The following UMAD1 variants were observed in gnomAD, a reference collection of about 807,000 sequenced individuals.
UMAD1 encodes UBAP1-MVB12-associated (UMA)-domain containing protein 1.
UMAD1 carries 8 observed loss-of-function variants against 6.1 expected under a neutral mutation model. The observed-to-expected ratio is 1.30, with a 90% CI of 0.76 to 2.35. The LOEUF (loss-of-function observed/expected upper bound fraction) is 2.35. Among genes scored for constraint, UMAD1 ranks in the 30% most tolerant of loss-of-function variants. UMAD1 has a pLI of 0.00. For missense variants in UMAD1, 130 were observed against 78.4 expected, an observed-to-expected ratio of 1.66 and a Z score of -2.49; for synonymous variants, 56 against 31.4, an observed-to-expected ratio of 1.78 and a Z score of -2.61.
chr7:7,743,710 TTATACA>T (rs1038215382), intron 2 of UMAD1, among the ~76,000 whole-genome samples: 38 of 150,850 alleles, frequency 2.5e-4, no homozygotes, highest in Middle Eastern at 3.5e-3. Flanking sequence ...ATAATATATA[TTATACA>T]TATACATATA....
chr7:7,803,992 A>T (rs1007122860), intron 3 of UMAD1, among the ~76,000 whole-genome samples: 5 of 152,242 alleles, frequency 3.3e-5, no homozygotes, highest in Non-Finnish European at 7.3e-5. Flanking sequence ...TTAAGGAAAG[A>T]TGCTTTTAAG....
intron 1 of UMAD1, among the ~76,000 whole-genome samples, chr7:7,642,404 C>T (rs1046325433): frequency 2.6e-5 from 4 of 151,976 alleles, no homozygotes; most frequent in African/African-American, 4.8e-5. Flanking sequence ...TCCCTCCCTC[C>T]CCCGTCTCCC....
At chr7:7,828,522 G>A (rs1783392188) in intron 3 of UMAD1, among the ~76,000 whole-genome samples, 1 of 152,154 alleles carries the variant, frequency 6.6e-6, no homozygotes. Flanking sequence ...CCCTGGTCCC[G>A]AGCTTCTTGC....
chr7:7,841,809 C>G (rs1456520409), intron 3 of UMAD1, among the ~76,000 whole-genome samples: 2 of 152,132 alleles, frequency 1.3e-5, no homozygotes, highest in African/African-American at 4.8e-5. Context: ...TTATATCCAA[C>G]CAGATTTTAG....
chr7:7,854,551 G>A (rs1003841439), intron 3 of UMAD1, among the ~76,000 whole-genome samples: 6 of 151,846 alleles, frequency 4.0e-5, no homozygotes, highest in African/African-American at 7.3e-5. Context: ...TCACTATCAC[G>A]TTAACAACAT....
Position 7,658,982 on chromosome 7 carries a change from A to G in UMAD1, c.-63-14327A>G, listed in dbSNP as rs1785410373. On this transcript the variant is annotated intron_variant, in intron 1 of 3. Transcript: ENST00000682710. ...CTATTAATTACTGCCTCAATTTCAGAACTTGTTATTGGTCTATTCAGGGAT... is the reference window on the plus strand; with the variant it reads ...CTATTAATTACTGCCTCAATTTCAGGACTTGTTATTGGTCTATTCAGGGAT... Among the ~76,000 whole-genome samples, 4 of 151,988 alleles carry G rather than the reference A, an allele frequency of 2.6e-5. No homozygotes were observed. In the South Asian group the frequency reaches 6.2e-4, roughly 24 times the overall value.
intron 2 of UMAD1, among the ~76,000 whole-genome samples, chr7:7,787,560 A>T (rs1345036866): frequency 6.6e-6 from 1 of 152,228 alleles, no homozygotes; most frequent in African/African-American, 2.4e-5. Flanking sequence ...GCCAACTTTT[A>T]TATTTCATGT....
chr7:7,677,446 A>G (rs930648291), intron 2 of UMAD1, among the ~76,000 whole-genome samples: 5 of 151,752 alleles, frequency 3.3e-5, no homozygotes, highest in Non-Finnish European at 2.9e-5. Flanking sequence ...TCTATTCTCT[A>G]TCTCCATGAG....
intron 1 of UMAD1, among the ~76,000 whole-genome samples, chr7:7,659,125 G>C (rs902228954): frequency 6.6e-6 from 1 of 152,134 alleles, no homozygotes; most frequent in Non-Finnish European, 1.5e-5. Flanking sequence ...ATGGTAGTTT[G>C]TATTGCTGTG....
At chr7:7,648,517 T>G (rs1299620497) in intron 1 of UMAD1, among the ~76,000 whole-genome samples, 1 of 152,198 alleles carries the variant, frequency 6.6e-6, no homozygotes, top group Non-Finnish European at 1.5e-5. Flanking sequence ...GTCTATGTAG[T>G]GTTGCTATTA....
chr7:7,813,445 C>T (rs1038319375), intron 3 of UMAD1, among the ~76,000 whole-genome samples: 1 of 152,146 alleles, frequency 6.6e-6, no homozygotes, highest in African/African-American at 2.4e-5. Context: ...ACCTCATGAT[C>T]CGCCTGCCTT....
At chr7:7,798,750 A>G (rs1389384978) in intron 2 of UMAD1, among the ~76,000 whole-genome samples, 1 of 152,150 alleles carries the variant, frequency 6.6e-6, no homozygotes, top group Non-Finnish European at 1.5e-5. Context: ...AGAGATGTCA[A>G]GAGACTGGGT....
At chr7:7,749,649 A>G (rs1238206926) in intron 2 of UMAD1, among the ~76,000 whole-genome samples, 1 of 152,110 alleles carries the variant, frequency 6.6e-6, no homozygotes, top group Non-Finnish European at 1.5e-5. Context: ...CTTTACTCTC[A>G]TATTTTTCTA....
intron 2 of UMAD1, among the ~76,000 whole-genome samples, chr7:7,793,456 C>G (rs892060598): frequency 2.6e-5 from 4 of 152,066 alleles, no homozygotes; most frequent in African/African-American, 9.7e-5. Context: ...GCAAACACTC[C>G]CAGAGGGTAT....
rs139256845 is a variant in UMAD1 at position 7,674,335 on chromosome 7, A to G, written c.82+882A>G. Reference sequence around the variant, plus strand: ...GACTGGCATCTGCTAGCATCAGCCAATGCTCTGTAGGCTTTGAGAAATAAG... The same window carrying G: ...GACTGGCATCTGCTAGCATCAGCCAGTGCTCTGTAGGCTTTGAGAAATAAG... On this transcript the variant is annotated intron_variant, in intron 2 of 3. Transcript: ENST00000682710. 1.2e-4 allele frequency among the ~76,000 whole-genome samples: 19 copies of G among 152,334 alleles called. No homozygotes were observed. In the East Asian group the frequency reaches 3.7e-3, roughly 29 times the overall value.
rs1396639965 is a variant in UMAD1, at chr7:7,722,391, A to G, written c.82+48938A>G. ...TGCGAAGGACTCTACTTCTAATGGT[A>G]TAGAGAACACTGATAGTCCTTGGCA... On this transcript the variant is annotated intron_variant, in intron 2 of 3. Transcript: ENST00000682710. 2.6e-5 allele frequency among the ~76,000 whole-genome samples: 4 copies of G among 152,200 alleles called. No homozygotes were observed. The East Asian group carries it at 7.7e-4, about 29-fold the overall frequency.
chr7:7,752,670 A>G (rs1301771032), intron 2 of UMAD1, among the ~76,000 whole-genome samples: 1 of 152,128 alleles, frequency 6.6e-6, no homozygotes, highest in African/African-American at 2.4e-5. Context: ...TTAATTTCGT[A>G]TGTGGAAAAT....
At chr7:7,806,355 C>T (rs1248619604) in intron 3 of UMAD1, among the ~76,000 whole-genome samples, 1 of 152,166 alleles carries the variant, frequency 6.6e-6, no homozygotes, top group East Asian at 1.9e-4. Flanking sequence ...TTCTCTGCTC[C>T]CCCAGCCAGA....
chr7:7,658,034 TG>T (rs1785383946), intron 1 of UMAD1, among the ~76,000 whole-genome samples: 2 of 152,206 alleles, frequency 1.3e-5, no homozygotes, highest in South Asian at 4.1e-4. Flanking sequence ...TCATGTCCCT[TG>T]TAAGTTGGAT....
Sources: gnomAD v4.1 joint callset for allele counts (sites outside exome capture counted in the v4.1 genomes callset) on GRCh38, gnomAD v4.1.1 for gene constraint, MANE v1.5 for transcripts, NCBI Gene and HGNC (gene_info 2026-07-23, HGNC 2026-07-21) for gene names.